The following RYR3 variants were observed in gnomAD, a reference collection of about 807,000 sequenced individuals.
RYR3 encodes the protein brain ryanodine receptor-calcium release channel.
In RYR3, 207 loss-of-function variants were observed where a neutral mutation model predicts 584.3. The observed-to-expected ratio is 0.35, with a 90% CI of 0.32 to 0.40. RYR3 has a LOEUF of 0.40. Among genes scored for constraint, RYR3 ranks in the 10% least tolerant of loss-of-function variants. The pLI is 1.00. For synonymous variants in RYR3, 2,416 were observed against 2,248.5 expected (o/e 1.07, Z -2.11); for missense variants, 5,616 against 6,089.2 (o/e 0.92, Z 2.59).
chr15:33,635,711 T>C lies in RYR3; in HGVS notation c.3273T>C (p.Phe1091=), dbSNP rs1432680342. 3 of 1,613,910 alleles carry C rather than the reference T, an allele frequency of 1.9e-6. No individual in the cohort carries two copies. Among genetic ancestry groups the C allele is most frequent in the Admixed American group, 1.7e-5 (1 of 60,006 alleles). ...AVRSGKWYFE[F]EVVTGGDMRV... is the part of the protein sequence containing the mutation. The stretch of plus-strand genomic sequence containing the variant: ...GATCTGGAAAGTGGTATTTTGAGTT[T>C]GAAGTGGTGACTGGAGGAGACATGC... The change falls in exon 26 of 104, where the codon TTT becomes TTC. Residue 1091 remains phenylalanine, a synonymous_variant. Transcript: ENST00000634891.
At chr15:33,602,982 C>T (rs1036012136) in intron 17 of RYR3, 141 bp from the exon 18 acceptor site, 2 of 866,238 alleles carry the variant, frequency 2.3e-6, no homozygotes, top group Non-Finnish European at 3.6e-6. Flanking sequence ...AGAGATCCCT[C>T]CCATCTTTTG....
intron 38 of RYR3, among the ~76,000 whole-genome samples, chr15:33,676,465 A>G (rs1416308136): frequency 2.0e-5 from 3 of 152,244 alleles, no homozygotes; most frequent in African/African-American, 4.8e-5. Flanking sequence ...GGTGTCAGAC[A>G]TGTTAGAGGT....
At chr15:33,851,186 T>A (rs1002104103) in intron 94 of RYR3, 1 of 152,198 alleles carries the variant, frequency 6.6e-6, no homozygotes, top group Non-Finnish European at 1.5e-5. Context: ...CTGGCTTTTA[T>A]AAACAGTGCT....
At chr15:33,314,365 C>G (rs554611017) in intron 1 of RYR3, among the ~76,000 whole-genome samples, 21 of 152,264 alleles carry the variant, frequency 1.4e-4, no homozygotes, top group African/African-American at 5.1e-4. Context: ...AACCTGCCAG[C>G]CGCTGATCTG....
chr15:33,737,266 C>G (rs2069571619), intron 49 of RYR3, among the ~76,000 whole-genome samples: 1 of 151,908 alleles, frequency 6.6e-6, no homozygotes, highest in African/African-American at 2.4e-5. Flanking sequence ...CTGGCCTTCC[C>G]TTTTTTTTAT....
At chr15:33,603,001 G>A in intron 17 of RYR3, 122 bp from the exon 18 acceptor site, 3 of 1,018,918 alleles carry the variant, frequency 2.9e-6, no homozygotes, top group Non-Finnish European at 2.9e-6. Flanking sequence ...TGAGCAATAT[G>A]AAATACACAG....
In RYR3 at chr15:33,785,302, G is replaced by A. The variant is rs368879833; in HGVS notation, c.9269-360G>A. On this transcript the variant is annotated intron_variant, in intron 65 of 103. Transcript: ENST00000634891. ...TTCTCCTCTGATTACTGATTTTCCT[G>A]CAGGGGACACACTAAGGCCCAGGCA... 4.6e-5 allele frequency among the ~76,000 whole-genome samples: 7 copies of A among 152,158 alleles called. No homozygotes were observed. In the East Asian group the frequency reaches 9.6e-4, roughly 21 times the overall value.
At chr15:33,562,310 C>T (rs925260647) in intron 10 of RYR3, among the ~76,000 whole-genome samples, 1 of 152,210 alleles carries the variant, frequency 6.6e-6, no homozygotes, top group African/African-American at 2.4e-5. Context: ...ACTACATTAG[C>T]TTAAGCCACG....
At chr15:33,362,706 A>G (rs916084998) in intron 1 of RYR3, among the ~76,000 whole-genome samples, 8 of 152,064 alleles carry the variant, frequency 5.3e-5, no homozygotes, top group African/African-American at 1.5e-4. Flanking sequence ...GCTTTTCCAC[A>G]TATTTTCTTC....
chr15:33,397,822 C>T (rs2042389095), intron 1 of RYR3, among the ~76,000 whole-genome samples: 1 of 152,104 alleles, frequency 6.6e-6, no homozygotes, highest in Admixed American at 6.6e-5. Context: ...CTTACGATCT[C>T]TATTTTAATA....
At chr15:33,766,111 T>C (rs1178140943) in intron 60 of RYR3, among the ~76,000 whole-genome samples, 1 of 151,058 alleles carries the variant, frequency 6.6e-6, no homozygotes, top group Non-Finnish European at 1.5e-5. Context: ...CAAAACCCTG[T>C]CTCTACTAAA....
chr15:33,616,656 T>A (rs766854290), intron 19 of RYR3, among the ~76,000 whole-genome samples: 164 of 152,304 alleles, frequency 1.1e-3, no homozygotes, highest in Middle Eastern at 3.4e-3. Context: ...CTCTGAGAGC[T>A]TTTTGCTTAT....
chr15:33,446,413 TG>T (rs1456661683), intron 1 of RYR3, among the ~76,000 whole-genome samples: 1 of 152,222 alleles, frequency 6.6e-6, no homozygotes, highest in East Asian at 1.9e-4. Context: ...GTCCATAGAT[TG>T]GGTGGCTTAA....
Position 33,838,432 on chromosome 15 carries a change from G to A in RYR3, c.12452G>A (p.Arg4151Lys). 1.9e-6 allele frequency: 3 copies of A among 1,614,000 alleles called. No individual in the cohort carries two copies. Among genetic ancestry groups the A allele is most frequent in the East Asian group, 4.5e-5 (2 of 44,878 alleles). Residue 4151 changes from arginine to lysine, a missense_variant, in exon 89 of 104, where the codon AGG becomes AAG. Transcript: ENST00000634891. ...AFAMACASVK[R>K]NVTDFLKRAT... ...GCTATGGCCTGTGCCTCTGTGAAGA[G>A]GAATGTCACCGACTTCCTGAAGAGA...
intron 1 of RYR3, among the ~76,000 whole-genome samples, chr15:33,376,815 G>T (rs1372845999): frequency 6.6e-6 from 1 of 152,242 alleles, no homozygotes; most frequent in African/African-American, 2.4e-5. Flanking sequence ...TGAGTTAGGT[G>T]TTGAATTATT....
chr15:33,414,182 T>C (rs76905769), intron 1 of RYR3, among the ~76,000 whole-genome samples: 2,647 of 152,312 alleles, frequency 0.017, 78 homozygotes, highest in African/African-American at 0.057. Flanking sequence ...TTTCATTGAC[T>C]TAAAGTATTA....
intron 102 of RYR3, among the ~76,000 whole-genome samples, chr15:33,861,711 A>G (rs1258858161): frequency 6.6e-6 from 1 of 152,120 alleles, no homozygotes; most frequent in Non-Finnish European, 1.5e-5. Flanking sequence ...ATGTTGCTAA[A>G]TTCTGTGTTC....
Position 33,461,011 on chromosome 15 carries a change from C to G in RYR3, c.52-12408C>G, listed in dbSNP as rs539145265. On this transcript the variant is annotated intron_variant, in intron 1 of 103. Coordinates refer to ENST00000634891, the MANE Select transcript of RYR3 (RefSeq NM_001036.6). ...CCAGGCTGGAGTGCAGTGGCGTGAT[C>G]TTGGCTCACTGCAAGCTCCGCCTCC... is the stretch of plus-strand genomic sequence containing the variant. Among the ~76,000 whole-genome samples the G allele has an allele frequency of 4.8e-3, 632 of 131,926 alleles. 7 individuals carry two copies. The highest frequency in any genetic ancestry group is 0.017 in the African/African-American group (599 of 35,382). 86.5% of individuals were successfully genotyped at this position (131,926 alleles called of 152,430 possible). A position where few individuals can be genotyped will look rare whatever the true frequency, so the allele number is the denominator to read the frequency against.
At chr15:33,792,056 A>G (rs1407309622) in intron 67 of RYR3, among the ~76,000 whole-genome samples, 1 of 152,192 alleles carries the variant, frequency 6.6e-6, no homozygotes, top group African/African-American at 2.4e-5. Context: ...ACAGACTGAA[A>G]GGCCATGGAG....
Sources: gnomAD v4.1 joint callset for allele counts (sites outside exome capture counted in the v4.1 genomes callset) on GRCh38, gnomAD v4.1.1 for gene constraint, MANE v1.5 for transcripts, NCBI Gene and HGNC (gene_info 2026-07-23, HGNC 2026-07-21) for gene names.